The following TLCD4 variants were observed in gnomAD, a reference collection of about 807,000 sequenced individuals.
The protein encoded by TLCD4 is TLC domain containing 4.
In TLCD4, 7 loss-of-function variants were observed where a neutral mutation model predicts 24.2. The observed-to-expected ratio is 0.29, with a 90% confidence interval of 0.16 to 0.54. The LOEUF (loss-of-function observed/expected upper bound fraction) is 0.54. Among genes scored for constraint, TLCD4 ranks in the 20% least tolerant of loss-of-function variants. The probability of loss-of-function intolerance (pLI) is 0.95; values close to 1 mark genes in which losing one functional copy is unlikely to be tolerated. For missense variants in TLCD4, 259 were observed against 313.9 expected (o/e 0.82, Z 1.32); for synonymous variants, 103 against 106.4 (o/e 0.97, Z 0.20).
intron 1 of TLCD4, among the ~76,000 whole-genome samples, chr1:95,131,765 T>C (rs1331514422): frequency 1.3e-5 from 2 of 152,218 alleles, no homozygotes; most frequent in East Asian, 3.9e-4. Flanking sequence ...TTTCTGGCTG[T>C]CAGATCTGAA....
chr1:95,144,758 T>C (rs188250341), intron 2 of TLCD4, among the ~76,000 whole-genome samples: 198 of 152,260 alleles, frequency 1.3e-3, no homozygotes, highest in Middle Eastern at 6.8e-3. Context: ...TGGTGAAATC[T>C]TGGCTCGCTG....
intron 5 of TLCD4, among the ~76,000 whole-genome samples, chr1:95,157,385 A>C (rs184224905): frequency 2.0e-5 from 3 of 152,288 alleles, no homozygotes. Context: ...TGGTTCTGGC[A>C]ATCTTGGGTC....
intron 2 of TLCD4, among the ~76,000 whole-genome samples, chr1:95,148,217 C>T (rs1279628370): frequency 6.6e-6 from 1 of 152,188 alleles, no homozygotes; most frequent in Non-Finnish European, 1.5e-5. Context: ...AATAAATCTT[C>T]ATATCATGAT....
chr1:95,116,406 G>A (rs774350321), upstream of TLCD4, among the ~76,000 whole-genome samples: 6 of 152,184 alleles, frequency 3.9e-5, no homozygotes, highest in Admixed American at 6.5e-5. Context: ...CGGCAGATAT[G>A]TGTGTCTTTC....
intron 1 of TLCD4, among the ~76,000 whole-genome samples, chr1:95,128,596 G>T (rs1405248600): frequency 6.6e-6 from 1 of 152,176 alleles, no homozygotes; most frequent in Non-Finnish European, 1.5e-5. Flanking sequence ...GGTTAAAGAG[G>T]TGGGATAGCC....
intron 6 of TLCD4, among the ~76,000 whole-genome samples, chr1:95,181,381 A>G (rs1400528526): frequency 6.6e-6 from 1 of 151,794 alleles, no homozygotes; most frequent in African/African-American, 2.4e-5. Flanking sequence ...TATGCAATAG[A>G]AAAAAAGTAT....
chr1:95,106,751 T>C, the TLCD4 span, among the ~76,000 whole-genome samples: 1 of 152,166 alleles, frequency 6.6e-6, no homozygotes, highest in Non-Finnish European at 1.5e-5. Flanking sequence ...ATTAATATAT[T>C]GCAAAGTATA....
At chr1:95,131,979 G>T (rs906661622) in intron 1 of TLCD4, among the ~76,000 whole-genome samples, 2 of 152,084 alleles carry the variant, frequency 1.3e-5, no homozygotes, top group Non-Finnish European at 2.9e-5. Context: ...TTGAGAGTGG[G>T]TTATTATAAA....
Position 95,161,885 on chromosome 1 carries a change from G to A in TLCD4, c.399+10466G>A, listed in dbSNP as rs1211766785. Among the ~76,000 whole-genome samples, 6 of 152,316 alleles carry A rather than the reference G, an allele frequency of 3.9e-5. No individual in the cohort carries two copies. The South Asian group carries it at 1.0e-3, about 26-fold the overall frequency. ...TGAGAGACAGTTTGTTATAATTTCT[G>A]TTCTTTTACATTTGCTGAGGAGTGC... On this transcript the variant is annotated intron_variant, in intron 5 of 6. Coordinates refer to ENST00000370203, the MANE Select transcript of TLCD4 (RefSeq NM_152487.3).
chr1:95,106,008 G>A, the TLCD4 span, among the ~76,000 whole-genome samples: 2 of 152,048 alleles, frequency 1.3e-5, no homozygotes, highest in African/African-American at 4.8e-5. Flanking sequence ...GAATGCTTCT[G>A]TGGGACGAGG....
At chr1:95,098,776 C>G in the TLCD4 span, among the ~76,000 whole-genome samples, 1 of 151,934 alleles carries the variant, frequency 6.6e-6, no homozygotes, top group African/African-American at 2.4e-5. Flanking sequence ...TTTTCTAGAA[C>G]GGGATAGGCT....
chr1:95,158,615 C>T (rs4278401), intron 5 of TLCD4, among the ~76,000 whole-genome samples: 49,446 of 150,848 alleles, frequency 0.33, 9,832 homozygotes, highest in East Asian at 0.62. Context: ...CCCATTAACT[C>T]GTCATTTACA....
At chr1:95,122,432 T>G (rs1430482801) in intron 1 of TLCD4, among the ~76,000 whole-genome samples, 1 of 152,220 alleles carries the variant, frequency 6.6e-6, no homozygotes, top group East Asian at 1.9e-4. Context: ...TAGTGACTGC[T>G]TGCTTTTATC....
the TLCD4 span, among the ~76,000 whole-genome samples, chr1:95,094,384 C>G: frequency 1.3e-5 from 2 of 151,948 alleles, no homozygotes; most frequent in Non-Finnish European, 2.9e-5. Context: ...ATCCTCCTAC[C>G]TTGGCCTCCC....
At chr1:95,158,512 T>C (rs1310608625) in intron 5 of TLCD4, among the ~76,000 whole-genome samples, 3 of 145,944 alleles carry the variant, frequency 2.1e-5, no homozygotes, top group Non-Finnish European at 4.6e-5. Flanking sequence ...TATTTATTTA[T>C]TTATTTTTTA....
the TLCD4 span, among the ~76,000 whole-genome samples, chr1:95,103,377 T>C: frequency 1.3e-5 from 2 of 152,196 alleles, no homozygotes; most frequent in African/African-American, 2.4e-5. Context: ...GGTTGGAAGA[T>C]AGAGCTCGTA....
At chr1:95,170,542 G>A (rs1379772096) in intron 5 of TLCD4, among the ~76,000 whole-genome samples, 4 of 151,976 alleles carry the variant, frequency 2.6e-5, no homozygotes, top group Non-Finnish European at 5.9e-5. Flanking sequence ...TATTAGCCAG[G>A]ATGGTCTCGA....
intron 1 of TLCD4, among the ~76,000 whole-genome samples, chr1:95,141,429 A>G (rs1677194497): frequency 6.6e-6 from 1 of 152,154 alleles, no homozygotes; most frequent in Non-Finnish European, 1.5e-5. Context: ...TAGGATCAGC[A>G]GAGAGCATAC....
Position 95,150,204 on chromosome 1 carries a change from TCAG to T in TLCD4, c.246-3_246-1del. 6.2e-7 allele frequency: 1 copy of T among 1,606,740 alleles called. No individual in the cohort carries two copies. The highest frequency in any genetic ancestry group is 1.1e-5 in the South Asian group (1 of 89,830). ...TTTAAAAAGGAACCTTTTTTTTTTT[TCAG>T]GGGTGGTCCATCACTTGCAAACGTG... On this transcript the variant is annotated splice_acceptor_variant and splice_polypyrimidine_tract_variant and intron_variant, in intron 3 of 6. Transcript: ENST00000370203. LOFTEE classifies it high-confidence loss of function.
Sources: allele counts gnomAD v4.1 joint callset (sites outside exome capture counted in the v4.1 genomes callset), GRCh38; gene constraint gnomAD v4.1.1; transcripts MANE v1.5; gene names NCBI Gene and HGNC (gene_info 2026-07-23, HGNC 2026-07-21).